Variants in CDKN2B-AS1 observed in about 807,000 individuals in gnomAD.
CDKN2B-AS1 encodes the protein CDKN2B antisense RNA 1 (non-protein coding).
intron 4 of CDKN2B-AS1, among the ~76,000 whole-genome samples, chr9:22,066,069 T>C (rs1431462555): frequency 1.3e-5 from 2 of 152,168 alleles, no homozygotes; most frequent in African/African-American, 2.4e-5. Flanking sequence ...CTTTCTGTAA[T>C]AGCTCATATT....
Position 22,006,193 on chromosome 9 carries a change from C to T in CDKN2B-AS1, n.29+11032C>T, listed in dbSNP as rs1563914352. ...GTGGCAGGGTCTGCGCAGTTGGGCT[C>T]CGCGCCGTGGAGCAGCAGCAGCTCC... is the stretch of plus-strand genomic sequence containing the variant. On this transcript the variant is annotated intron_variant and non_coding_transcript_variant, in intron 1 of 4. Transcript: ENST00000650946. The surrounding 1 kb of genome is among the most constrained non-coding windows in gnomAD (Gnocchi z 6.4). 1.2e-6 allele frequency: 2 copies of T among 1,608,934 alleles called. No individual in the cohort carries two copies. Among genetic ancestry groups the T allele is most frequent in the Admixed American group, 3.3e-5 (2 of 59,976 alleles).
chr9:22,127,296 G>T (rs1207112578), exon 5 of CDKN2B-AS1, among the ~76,000 whole-genome samples: 3 of 152,096 alleles, frequency 2.0e-5, no homozygotes, highest in Non-Finnish European at 2.9e-5. Context: ...TGGCCAGGCT[G>T]GTCTTAAACT....
chr9:22,014,530 A>C (rs1226767936), intron 1 of CDKN2B-AS1, among the ~76,000 whole-genome samples: 3 of 152,168 alleles, frequency 2.0e-5, no homozygotes, highest in African/African-American at 7.2e-5. Context: ...ATATGTAAGA[A>C]AGACAGGATA....
At chr9:22,012,145 A>C (rs778075732) in intron 1 of CDKN2B-AS1, 29 of 1,204,954 alleles carry the variant, frequency 2.4e-5, no homozygotes, top group Non-Finnish European at 3.6e-5. Flanking sequence ...GCCGAGCTGC[A>C]GACACAGAGA....
At chr9:22,062,539 C>A (rs1160016253) in intron 4 of CDKN2B-AS1, among the ~76,000 whole-genome samples, 3 of 152,088 alleles carry the variant, frequency 2.0e-5, no homozygotes, top group African/African-American at 7.2e-5. Flanking sequence ...ACTTGGCAGC[C>A]CTTAATGGGG....
intron 3 of CDKN2B-AS1, among the ~76,000 whole-genome samples, chr9:22,052,220 G>T (rs952605730): frequency 6.6e-6 from 1 of 152,108 alleles, no homozygotes; most frequent in African/African-American, 2.4e-5. Flanking sequence ...GGAATTTCGA[G>T]GCTGGATGGG....
chr9:22,026,463 T>C (rs1822243149), intron 1 of CDKN2B-AS1, among the ~76,000 whole-genome samples: 1 of 148,370 alleles, frequency 6.7e-6, no homozygotes, highest in Non-Finnish European at 1.5e-5. Context: ...CCAAAGGCCA[T>C]AATGGCTAAG....
chr9:22,078,641 A>G (rs749408443), intron 4 of CDKN2B-AS1, among the ~76,000 whole-genome samples: 4 of 152,240 alleles, frequency 2.6e-5, no homozygotes, highest in African/African-American at 4.8e-5. Context: ...GGTCTGGAGT[A>G]GGGTCCAAGA....
At chr9:22,015,203 T>C (rs1224091940) in intron 1 of CDKN2B-AS1, among the ~76,000 whole-genome samples, 1 of 152,188 alleles carries the variant, frequency 6.6e-6, no homozygotes, top group Admixed American at 6.6e-5. Flanking sequence ...CCACAATGGT[T>C]GAACTAGTTT....
intron 4 of CDKN2B-AS1, among the ~76,000 whole-genome samples, chr9:22,080,192 G>A (rs991631189): frequency 6.6e-6 from 1 of 152,208 alleles, no homozygotes; most frequent in Non-Finnish European, 1.5e-5. Flanking sequence ...CCCTGTTTAT[G>A]TGTGAAAGGA....
chr9:22,017,580 C>T (rs1221487300), intron 1 of CDKN2B-AS1, among the ~76,000 whole-genome samples: 2 of 152,104 alleles, frequency 1.3e-5, no homozygotes, highest in East Asian at 1.9e-4. Flanking sequence ...ATATTTAGTT[C>T]AGTTACAGCA....
chr9:22,114,853 C>T (rs1307554901), intron 4 of CDKN2B-AS1, among the ~76,000 whole-genome samples: 1 of 152,200 alleles, frequency 6.6e-6, no homozygotes, highest in East Asian at 1.9e-4. Flanking sequence ...AGAGCCATGT[C>T]ATTGAAAGAG....
chr9:22,090,620 T>C lies in CDKN2B-AS1; in HGVS notation n.438+34233T>C, dbSNP rs536102296. ...TTCATGTGTCTTTTGGCTGCATAAA[T>C]GTCTTCTTTTGAGAAGTGTCTGTTC... On this transcript the variant is annotated intron_variant and non_coding_transcript_variant, in intron 4 of 4. Coordinates refer to ENST00000650946, the Ensembl canonical transcript of CDKN2B-AS1. Among the ~76,000 whole-genome samples, 833 of 152,334 alleles carry C rather than the reference T, an allele frequency of 5.5e-3. 2 individuals carry two copies. Among genetic ancestry groups the C allele is most frequent in the Non-Finnish European group, 8.4e-3 (569 of 68,030 alleles).
intron 1 of CDKN2B-AS1, among the ~76,000 whole-genome samples, chr9:22,009,899 A>C (rs981740235): frequency 2.6e-5 from 4 of 152,208 alleles, no homozygotes; most frequent in Admixed American, 2.0e-4. Context: ...GTGCTTTTTA[A>C]TTCTTTCCAT....
intron 4 of CDKN2B-AS1, among the ~76,000 whole-genome samples, chr9:22,090,353 T>A (rs544717063): frequency 1.3e-5 from 2 of 152,326 alleles, no homozygotes; most frequent in East Asian, 3.9e-4. Context: ...AGTAATGGGA[T>A]GGCTGGGTCA....
intron 4 of CDKN2B-AS1, among the ~76,000 whole-genome samples, chr9:22,094,060 T>G (rs1825189349): frequency 6.9e-6 from 1 of 144,452 alleles, no homozygotes; most frequent in South Asian, 2.1e-4. Flanking sequence ...AGTATTTTAT[T>G]TCTCCTTCAC....
intron 4 of CDKN2B-AS1, among the ~76,000 whole-genome samples, chr9:22,108,066 G>A (rs575003904): frequency 6.6e-4 from 100 of 152,302 alleles, no homozygotes; most frequent in African/African-American, 2.3e-3. Flanking sequence ...TTAAAAAGAA[G>A]TTGCTGTGAC....
intron 4 of CDKN2B-AS1, chr9:22,117,997 G>A (rs1008422464): frequency 1.3e-5 from 2 of 152,356 alleles, no homozygotes; most frequent in South Asian, 2.1e-4. Context: ...AGCAGGGAAA[G>A]GAACTTGCCT....
intron 1 of CDKN2B-AS1, among the ~76,000 whole-genome samples, chr9:22,040,340 G>A (rs554567503): frequency 2.0e-5 from 3 of 152,046 alleles, no homozygotes; most frequent in East Asian, 3.9e-4. Context: ...ACAAGTTCAA[G>A]GTGTCATGGC....
Sources: gnomAD v4.1 joint callset for allele counts (sites outside exome capture counted in the v4.1 genomes callset) on GRCh38, gnomAD v4.1.1 for gene constraint, Gnocchi (gnomAD v3.1) non-coding constraint, MANE v1.5 for transcripts, NCBI Gene and HGNC (gene_info 2026-07-23, HGNC 2026-07-21) for gene names.